The following GALNT13 variants were observed in gnomAD, a reference collection of about 807,000 sequenced individuals.
The protein encoded by GALNT13 is UDP-GalNAc:polypeptide N-acetylgalactosaminyltransferase 13.
In GALNT13, 28 loss-of-function variants were observed where a neutral mutation model predicts 64.2. The observed-to-expected ratio is 0.44, with a 90% confidence interval of 0.32 to 0.60. GALNT13 has a LOEUF of 0.60. Among genes scored for constraint, GALNT13 ranks in the 20% least tolerant of loss-of-function variants. The pLI, the probability that GALNT13 is intolerant of heterozygous loss-of-function variation, is 0.05. For synonymous variants in GALNT13, 214 were observed against 224.6 expected (o/e 0.95, Z 0.42); for missense variants, 577 against 669.8 (o/e 0.86, Z 1.53).
chr2:153,624,365 G>A, the GALNT13 span, among the ~76,000 whole-genome samples: 1 of 152,116 alleles, frequency 6.6e-6, no homozygotes, highest in African/African-American at 2.4e-5. Context: ...TGTCCTGTGA[G>A]CTGTAGTCCC....
chr2:153,207,284 C>T, the GALNT13 span, among the ~76,000 whole-genome samples: 1 of 151,978 alleles, frequency 6.6e-6, no homozygotes, highest in African/African-American at 2.4e-5. Flanking sequence ...TTTATCAGTC[C>T]CCTGTAGTGG....
At chr2:154,198,393 A>G (rs1214112802) in intron 4 of GALNT13, among the ~76,000 whole-genome samples, 1 of 151,384 alleles carries the variant, frequency 6.6e-6, no homozygotes, top group Non-Finnish European at 1.5e-5. Flanking sequence ...TGACTTTTTT[A>G]TTGTGGTAAA....
the GALNT13 span, among the ~76,000 whole-genome samples, chr2:153,689,070 A>ATGTGTGTGTATGTGTGTG: frequency 5.5e-5 from 7 of 127,744 alleles, no homozygotes. Context: ...CCGCGTGTGT[A>ATGTGTGTGTATGTGTGTG]TGTGTGTGTG....
intron 10 of GALNT13, among the ~76,000 whole-genome samples, chr2:154,408,167 GT>G (rs1259770253): frequency 6.6e-6 from 1 of 151,944 alleles, no homozygotes; most frequent in Non-Finnish European, 1.5e-5. Flanking sequence ...AAGGTTGAAG[GT>G]TTTTTTCTTT....
At position 154,275,622 on chromosome 2, in the gene GALNT13, G is replaced by GGA. The variant is rs571919155; in HGVS notation, c.975+16486_975+16487dup. 3.0e-3 allele frequency among the ~76,000 whole-genome samples: 453 copies of GGA among 152,292 alleles called. 4 individuals are homozygous for GGA. The highest frequency in any genetic ancestry group is 0.01 in the African/African-American group (417 of 41,570). On this transcript the variant is annotated intron_variant, in intron 8 of 12. Coordinates refer to ENST00000392825, the MANE Select transcript of GALNT13 (RefSeq NM_052917.4). ...CCAGGCAGAGGTATGCTGCAGGAGT[G>GGA]GAGCCCTCATGGAGACCCTCTTGCT...
intron 3 of GALNT13, among the ~76,000 whole-genome samples, chr2:154,000,982 G>A (rs987161324): frequency 6.6e-6 from 1 of 151,936 alleles, no homozygotes; most frequent in East Asian, 1.9e-4. Context: ...GGTGTAGGAT[G>A]CATACATGTT....
intron 9 of GALNT13, among the ~76,000 whole-genome samples, chr2:154,334,432 T>C (rs985788098): frequency 6.6e-6 from 1 of 152,066 alleles, no homozygotes; most frequent in African/African-American, 2.4e-5. Context: ...GAAAGTATTA[T>C]CAATACTACA....
chr2:153,884,001 G>A (rs972373831), intron 1 of GALNT13, among the ~76,000 whole-genome samples: 3 of 152,000 alleles, frequency 2.0e-5, no homozygotes, highest in Admixed American at 6.6e-5. Context: ...GGTGGCTGAG[G>A]TTGGGAATTA....
intron 9 of GALNT13, among the ~76,000 whole-genome samples, chr2:154,377,310 T>C (rs947107188): frequency 7.2e-5 from 11 of 152,248 alleles, no homozygotes; most frequent in Admixed American, 5.2e-4. Flanking sequence ...CCAAGCTTTT[T>C]TACACATTTA....
chr2:153,533,255 G>T, the GALNT13 span, among the ~76,000 whole-genome samples: 4 of 151,536 alleles, frequency 2.6e-5, no homozygotes, highest in Admixed American at 6.6e-5. Flanking sequence ...TCTGCTTGGG[G>T]TTTTTTTTCT....
intron 2 of GALNT13, among the ~76,000 whole-genome samples, chr2:153,928,994 C>T (rs1690331381): frequency 6.6e-6 from 1 of 152,134 alleles, no homozygotes; most frequent in African/African-American, 2.4e-5. Flanking sequence ...ATTCTCTCAA[C>T]ATTTGTAGTT....
At chr2:153,320,798 TAAAAG>T in the GALNT13 span, among the ~76,000 whole-genome samples, 1 of 152,192 alleles carries the variant, frequency 6.6e-6, no homozygotes, top group African/African-American at 2.4e-5. Context: ...AGCTGAAAGA[TAAAAG>T]AGAATGATTA....
intron 3 of GALNT13, among the ~76,000 whole-genome samples, chr2:154,027,939 A>G (rs766876698): frequency 1.3e-5 from 2 of 152,180 alleles, no homozygotes; most frequent in African/African-American, 2.4e-5. Flanking sequence ...ATTTTTAAAT[A>G]AAGTGAATAT....
chr2:154,225,803 C>G (rs1688588674), intron 4 of GALNT13, among the ~76,000 whole-genome samples: 2 of 151,954 alleles, frequency 1.3e-5, no homozygotes, highest in Admixed American at 1.3e-4. Context: ...TATGACTGGA[C>G]AGAAAGGGGT....
At chr2:153,470,167 G>A in the GALNT13 span, among the ~76,000 whole-genome samples, 1 of 152,220 alleles carries the variant, frequency 6.6e-6, no homozygotes, top group Non-Finnish European at 1.5e-5. Flanking sequence ...ACTGTCTCTA[G>A]GCTTTGGATC....
At chr2:153,241,910 T>A in the GALNT13 span, among the ~76,000 whole-genome samples, 1 of 152,110 alleles carries the variant, frequency 6.6e-6, no homozygotes, top group East Asian at 1.9e-4. Context: ...GACAGGCTGG[T>A]CAGTTATGAA....
chr2:154,245,104 A>AAAATAAATAAATAAAT lies in GALNT13; in HGVS notation c.687-680_687-665dup, dbSNP rs61010587. 2.8e-3 allele frequency among the ~76,000 whole-genome samples: 385 copies of AAAATAAATAAATAAAT among 137,826 alleles called. 1 individual carries two copies. Among genetic ancestry groups the AAAATAAATAAATAAAT allele is most frequent in the Non-Finnish European group, 4.0e-3 (256 of 64,360 alleles). The allele number at this position is 137,826 out of a possible 152,430, so 90.4% of individuals were successfully genotyped here. ...CTGGGTGACAGGGCAAGGCTCTGTC[A>AAAATAAATAAATAAAT]AAATAAATAAATAAATAAATAAATA... On this transcript the variant is annotated intron_variant, in intron 6 of 12. Coordinates refer to ENST00000392825, the MANE Select transcript of GALNT13 (RefSeq NM_052917.4).
At chr2:153,341,380 C>A in the GALNT13 span, among the ~76,000 whole-genome samples, 1 of 152,096 alleles carries the variant, frequency 6.6e-6, no homozygotes, top group Non-Finnish European at 1.5e-5. Context: ...TATATTATGC[C>A]AAATTGGGAT....
chr2:153,540,024 T>C, the GALNT13 span, among the ~76,000 whole-genome samples: 1 of 152,136 alleles, frequency 6.6e-6, no homozygotes, highest in Non-Finnish European at 1.5e-5. Context: ...AGGAGCCAAA[T>C]GTTAATTGCC....
Sources: gnomAD v4.1 joint callset for allele counts (sites outside exome capture counted in the v4.1 genomes callset) on GRCh38, gnomAD v4.1.1 for gene constraint, MANE v1.5 for transcripts, NCBI Gene and HGNC (gene_info 2026-07-23, HGNC 2026-07-21) for gene names.